The following NREP variants were observed in gnomAD, a reference collection of about 807,000 sequenced individuals.
NREP encodes the protein neuronal regeneration related protein.
Under a neutral mutation model 8.6 loss-of-function variants are expected in NREP, and 5 were observed. The observed-to-expected ratio is 0.58, with a 90% CI of 0.30 to 1.22. The LOEUF (loss-of-function observed/expected upper bound fraction) is 1.22, where lower values mean the gene tolerates loss of function less well. Among genes scored for constraint, NREP ranks in the 50% most tolerant of loss-of-function variants. The pLI, the probability that NREP is intolerant of heterozygous loss-of-function variation, is 0.07. For synonymous variants in NREP, 27 were observed against 28.0 expected, an observed-to-expected ratio of 0.96 and a Z score of 0.11; for missense variants, 86 against 82.5, an observed-to-expected ratio of 1.04 and a Z score of -0.17.
intron 2 of NREP, among the ~76,000 whole-genome samples, chr5:111,914,507 A>C (rs1245836144): frequency 6.6e-6 from 1 of 152,044 alleles, no homozygotes; most frequent in African/African-American, 2.4e-5. Context: ...GAAAGTTCTA[A>C]GTTGCTAGCC....
intron 2 of NREP, among the ~76,000 whole-genome samples, chr5:111,867,387 T>C (rs1336456059): frequency 6.6e-6 from 1 of 152,102 alleles, no homozygotes; most frequent in East Asian, 1.9e-4. Flanking sequence ...CATGCATGCA[T>C]GGGGAGGACG....
chr5:111,863,626 G>C (rs984385115), intron 2 of NREP, among the ~76,000 whole-genome samples: 3 of 151,928 alleles, frequency 2.0e-5, no homozygotes, highest in African/African-American at 4.8e-5. Context: ...GGCGGCCAGA[G>C]AAAAAAGAGA....
intron 2 of NREP, among the ~76,000 whole-genome samples, chr5:111,796,280 C>T (rs1486334856): frequency 6.6e-6 from 1 of 152,212 alleles, no homozygotes; most frequent in Non-Finnish European, 1.5e-5. Context: ...GACTCTTTTG[C>T]CTCCTTCTTT....
intron 2 of NREP, among the ~76,000 whole-genome samples, chr5:111,777,368 G>T (rs900122360): frequency 6.6e-6 from 1 of 151,886 alleles, no homozygotes; most frequent in African/African-American, 2.4e-5. Flanking sequence ...GTGTGTGTGT[G>T]TGTGTGTGTT....
At chr5:111,889,021 C>G (rs536843993) in intron 2 of NREP, among the ~76,000 whole-genome samples, 1 of 152,304 alleles carries the variant, frequency 6.6e-6, no homozygotes, top group East Asian at 1.9e-4. Flanking sequence ...AAATGCATGT[C>G]AGAGAAATTC....
chr5:111,803,548 T>C (rs188056354), intron 2 of NREP, among the ~76,000 whole-genome samples: 345 of 152,264 alleles, frequency 2.3e-3, no homozygotes, highest in African/African-American at 7.8e-3. Context: ...TCTCCCTTTG[T>C]AGGAGAACAA....
At chr5:111,840,935 A>G (rs548883596) in intron 2 of NREP, among the ~76,000 whole-genome samples, 1 of 152,248 alleles carries the variant, frequency 6.6e-6, no homozygotes, top group Non-Finnish European at 1.5e-5. Flanking sequence ...AGGGTATTTC[A>G]GCTTCAAGGA....
chr5:111,925,261 C>CCT (rs79481952), intron 2 of NREP, among the ~76,000 whole-genome samples: 74,638 of 151,862 alleles, frequency 0.49, 19,337 homozygotes, highest in Non-Finnish European at 0.59. Flanking sequence ...CAGTTCTGGA[C>CCT]GGAGATGTCT....
chr5:111,867,662 TAGGG>T (rs1215611322), intron 2 of NREP, among the ~76,000 whole-genome samples: 1 of 152,098 alleles, frequency 6.6e-6, no homozygotes, highest in African/African-American at 2.4e-5. Flanking sequence ...GGTTGAATAT[TAGGG>T]AGATTAAGAG....
chr5:111,935,300 T>C (rs1294625983), intron 2 of NREP, among the ~76,000 whole-genome samples: 1 of 151,984 alleles, frequency 6.6e-6, no homozygotes, highest in Admixed American at 6.6e-5. Flanking sequence ...CCTTACACAA[T>C]ATCCCAGAGA....
chr5:111,804,411 A>G (rs1752087662), intron 2 of NREP, among the ~76,000 whole-genome samples: 1 of 152,202 alleles, frequency 6.6e-6, no homozygotes, highest in African/African-American at 2.4e-5. Context: ...AAATGAAACC[A>G]TAAAAGGACT....
chr5:111,732,930 C>T (rs1003761526), intron 3 of NREP: 3 of 152,146 alleles, frequency 2.0e-5, no homozygotes, highest in Non-Finnish European at 4.4e-5. Flanking sequence ...TTACTCTGTT[C>T]AAAAGTGAAT....
At chr5:111,781,721 G>C (rs1751498983) in intron 2 of NREP, among the ~76,000 whole-genome samples, 1 of 152,158 alleles carries the variant, frequency 6.6e-6, no homozygotes, top group African/African-American at 2.4e-5. Context: ...AAAGCTTAAA[G>C]ACTTGGGTCA....
At chr5:111,847,992 G>A (rs903492050) in intron 2 of NREP, among the ~76,000 whole-genome samples, 1 of 152,122 alleles carries the variant, frequency 6.6e-6, no homozygotes, top group African/African-American at 2.4e-5. Context: ...ACCTAGGAAA[G>A]GCTCTTGCCT....
At chr5:111,942,011 G>A (rs1274246242) in intron 2 of NREP, among the ~76,000 whole-genome samples, 1 of 152,008 alleles carries the variant, frequency 6.6e-6, no homozygotes, top group African/African-American at 2.4e-5. Context: ...TTGTAGGATA[G>A]CAGAACTAAT....
intron 2 of NREP, among the ~76,000 whole-genome samples, chr5:111,740,847 T>A (rs1236585519): frequency 6.6e-6 from 1 of 152,214 alleles, no homozygotes; most frequent in East Asian, 1.9e-4. Context: ...TATCTACTTA[T>A]TACCTGTTTC....
chr5:111,929,649 C>G (rs1755482778), intron 2 of NREP, among the ~76,000 whole-genome samples: 1 of 152,328 alleles, frequency 6.6e-6, no homozygotes, highest in African/African-American at 2.4e-5. Context: ...GAAATCCACA[C>G]AGTAACCTTT....
chr5:111,782,053 T>C (rs1440020347), intron 2 of NREP, among the ~76,000 whole-genome samples: 3 of 152,228 alleles, frequency 2.0e-5, no homozygotes, highest in African/African-American at 7.2e-5. Context: ...TTTAGCTTTG[T>C]GTCTGGTACA....
chr5:111,964,090 T>A (rs570921485), intron 2 of NREP, among the ~76,000 whole-genome samples: 1 of 152,320 alleles, frequency 6.6e-6, no homozygotes, highest in Non-Finnish European at 1.5e-5. Flanking sequence ...ACCTCCTTCT[T>A]CCCTCTAGGG....
Sources: gnomAD v4.1 joint callset for allele counts (sites outside exome capture counted in the v4.1 genomes callset) on GRCh38, gnomAD v4.1.1 for gene constraint, MANE v1.5 for transcripts, NCBI Gene and HGNC (gene_info 2026-07-23, HGNC 2026-07-21) for gene names.